The following NALCN variants were observed in gnomAD, a reference collection of about 807,000 sequenced individuals.
NALCN encodes sodium leak channel, non-selective, also known as sodium leak channel NALCN.
NALCN carries 111 observed loss-of-function variants against 225.3 expected under a neutral mutation model. The observed-to-expected ratio is 0.49, with a 90% CI of 0.42 to 0.58. NALCN has a LOEUF of 0.58. NALCN is among the 20% of genes least tolerant of loss of function. The probability of loss-of-function intolerance (pLI) is 0.00; values close to 1 mark genes in which losing one functional copy is unlikely to be tolerated. For missense variants in NALCN, 1,378 were observed against 2,202.4 expected, an observed-to-expected ratio of 0.63 and a Z score of 7.49; for synonymous variants, 764 against 769.0, an observed-to-expected ratio of 0.99 and a Z score of 0.11.
intron 17 of NALCN, among the ~76,000 whole-genome samples, chr13:101,141,169 A>G (rs1030003977): frequency 6.6e-6 from 1 of 152,174 alleles, no homozygotes; most frequent in South Asian, 2.1e-4. Flanking sequence ...AAGAGTAACA[A>G]TTGAACGCAA....
Position 101,089,180 on chromosome 13 carries a change from GAGCCA to G in NALCN, c.3489+478_3489+482del, listed in dbSNP as rs2034088243. ...CCCAAAGTGCTGGGATTACAGGCGT[GAGCCA>G]CCATGCCCTGCCACAAAATCTTTTT... On this transcript the variant is annotated intron_variant, in intron 30 of 43. Transcript: ENST00000251127. This position sits in a 1 kb window ranked among gnomAD's most constrained non-coding sequence, Gnocchi z 4.7. Among the ~76,000 whole-genome samples the G allele has an allele frequency of 1.3e-5, 2 of 152,118 alleles. No individual in the cohort carries two copies. The highest frequency in any genetic ancestry group is 4.8e-5 in the African/African-American group (2 of 41,440).
intron 3 of NALCN, among the ~76,000 whole-genome samples, chr13:101,380,857 A>AACACACATACACAC (rs1226235735): frequency 2.7e-5 from 4 of 145,568 alleles, no homozygotes; most frequent in African/African-American, 1.0e-4. Context: ...ATGCCTAGCT[A>AACACACATACACAC]ACACACACAC....
At chr13:101,174,016 T>TA (rs1191859574) in intron 15 of NALCN, among the ~76,000 whole-genome samples, 1 of 152,132 alleles carries the variant, frequency 6.6e-6, no homozygotes, top group African/African-American at 2.4e-5. Context: ...ATCAGGGGCA[T>TA]AAAAAATGAC....
At chr13:101,330,702 T>C (rs1439254500) in intron 7 of NALCN, among the ~76,000 whole-genome samples, 1 of 152,158 alleles carries the variant, frequency 6.6e-6, no homozygotes, top group African/African-American at 2.4e-5. Flanking sequence ...GAATTGTAGC[T>C]CCCATAATAA....
Position 101,054,647 on chromosome 13 carries a change from C to CTT in NALCN, c.*646_*647dup, listed in dbSNP as rs1566760033. The CTT allele has an allele frequency of 6.6e-6, 1 of 152,168 alleles. No individual in the cohort carries two copies. The allele number at this position is 152,168 out of a possible 1,614,324, so 9.4% of individuals were successfully genotyped here. A position where few individuals can be genotyped will look rare whatever the true frequency, so the allele number is the denominator to read the frequency against. On this transcript the variant is annotated 3_prime_UTR_variant, in exon 44 of 44. Coordinates refer to ENST00000251127, the MANE Select transcript of NALCN (RefSeq NM_052867.4). ...GCCTGGTGCTTGCACACACAATTTT[C>CTT]TTAGAAGGAGGCAACAGTTTCATTA...
intron 18 of NALCN, among the ~76,000 whole-genome samples, chr13:101,120,372 A>C (rs1215217727): frequency 6.6e-6 from 1 of 152,110 alleles, no homozygotes; most frequent in Non-Finnish European, 1.5e-5. Flanking sequence ...CTTCCCACAA[A>C]TTCATTTATC....
intron 7 of NALCN, among the ~76,000 whole-genome samples, chr13:101,329,737 C>A (rs2045090690): frequency 6.6e-6 from 1 of 151,930 alleles, no homozygotes; most frequent in South Asian, 2.1e-4. Context: ...ACATGGGAAT[C>A]CTAAAAATAT....
chr13:101,290,490 T>C (rs1299395113), intron 9 of NALCN, among the ~76,000 whole-genome samples: 2 of 152,226 alleles, frequency 1.3e-5, no homozygotes, highest in Non-Finnish European at 2.9e-5. Context: ...GAACTTGCTA[T>C]GGTTGATTTC....
At chr13:101,163,280 G>A (rs973242826) in intron 15 of NALCN, among the ~76,000 whole-genome samples, 1 of 152,050 alleles carries the variant, frequency 6.6e-6, no homozygotes, top group Admixed American at 6.6e-5. Context: ...TTCTGAATTA[G>A]CACAATTAAA....
chr13:101,109,934 T>C (rs1005923748), intron 20 of NALCN, among the ~76,000 whole-genome samples: 2 of 152,178 alleles, frequency 1.3e-5, no homozygotes, highest in East Asian at 3.9e-4. Context: ...AATGAAGAGA[T>C]GATGGAAAAT....
At chr13:101,378,735 T>A (rs2046764032) in intron 3 of NALCN, 82 bp from the exon 4 acceptor site, 2 of 1,199,746 alleles carry the variant, frequency 1.7e-6, no homozygotes, top group Admixed American at 2.0e-5. Flanking sequence ...TCAAATATTA[T>A]TTCAATAAAA....
At chr13:101,326,390 C>T (rs1402725784) in intron 7 of NALCN, among the ~76,000 whole-genome samples, 1 of 152,158 alleles carries the variant, frequency 6.6e-6, no homozygotes, top group East Asian at 1.9e-4. Flanking sequence ...TGTGACTGCA[C>T]ATCTCAGGTT....
intron 15 of NALCN, among the ~76,000 whole-genome samples, chr13:101,151,030 G>A (rs1230643570): frequency 1.3e-5 from 2 of 152,018 alleles, no homozygotes; most frequent in African/African-American, 4.8e-5. Flanking sequence ...CATTCACATG[G>A]TAAAGAAAAG....
intron 17 of NALCN, among the ~76,000 whole-genome samples, chr13:101,126,391 T>C (rs1174964597): frequency 6.6e-6 from 1 of 152,184 alleles, no homozygotes; most frequent in Non-Finnish European, 1.5e-5. Flanking sequence ...GGATACCAAC[T>C]ATTTGGAACT....
At chr13:101,297,893 T>G (rs1172077551) in intron 7 of NALCN, among the ~76,000 whole-genome samples, 1 of 152,260 alleles carries the variant, frequency 6.6e-6, no homozygotes, top group Non-Finnish European at 1.5e-5. Flanking sequence ...TGACTCTTTC[T>G]GATCCTCCAG....
At chr13:101,408,193 A>G (rs1465650657) in intron 1 of NALCN, among the ~76,000 whole-genome samples, 2 of 152,176 alleles carry the variant, frequency 1.3e-5, no homozygotes, top group Non-Finnish European at 1.5e-5. Context: ...TTCCCAGAGA[A>G]CAGAGACGGG....
chr13:101,211,174 A>G (rs2040509026), intron 13 of NALCN, among the ~76,000 whole-genome samples: 1 of 152,206 alleles, frequency 6.6e-6, no homozygotes, highest in Non-Finnish European at 1.5e-5. Context: ...TTCATTAATG[A>G]CTTTCATTTA....
At chr13:101,107,344 C>A in intron 22 of NALCN, 143 bp downstream of exon 22, 1 of 1,401,622 alleles carries the variant, frequency 7.1e-7, no homozygotes, top group Non-Finnish European at 9.6e-7. Context: ...GGGTGTTCAG[C>A]AAAGAGGAGC....
intron 7 of NALCN, among the ~76,000 whole-genome samples, chr13:101,316,732 A>G (rs551770899): frequency 6.6e-6 from 1 of 152,164 alleles, no homozygotes; most frequent in Non-Finnish European, 1.5e-5. Flanking sequence ...ATTAATGTTC[A>G]GTTTATATGT....
Sources: allele counts gnomAD v4.1 joint callset (sites outside exome capture counted in the v4.1 genomes callset), GRCh38; gene constraint gnomAD v4.1.1; non-coding constraint Gnocchi (gnomAD v3.1); transcripts MANE v1.5; gene names NCBI Gene and HGNC (gene_info 2026-07-23, HGNC 2026-07-21).